The following PYM1 variants were observed in gnomAD, a reference collection of about 807,000 sequenced individuals.
PYM1 encodes PYM1 exon junction complex associated factor.
PYM1 carries 7 observed loss-of-function variants against 20.7 expected under a neutral mutation model. That is an observed-to-expected ratio of 0.34 (90% CI 0.19 to 0.64). The LOEUF is 0.64. Among genes scored for constraint, PYM1 ranks in the 30% least tolerant of loss-of-function variants. PYM1 has a pLI of 0.74. For missense variants in PYM1, 194 were observed against 250.0 expected, an observed-to-expected ratio of 0.78 and a Z score of 1.51; for synonymous variants, 100 against 99.2, an observed-to-expected ratio of 1.01 and a Z score of -0.05.
chr12:55,902,461 TTTTG>T (rs1882711398), intron 2 of PYM1, 106 bp from the exon 3 acceptor site: 1 of 1,455,636 alleles, frequency 6.9e-7, no homozygotes, highest in Non-Finnish European at 9.1e-7. Flanking sequence ...TGCTTCCTTT[TTTTG>T]TTGTTGTTTT....
At chr12:55,908,015 G>A (rs1882855283) in intron 1 of PYM1, among the ~76,000 whole-genome samples, 2 of 150,296 alleles carry the variant, frequency 1.3e-5, no homozygotes, top group South Asian at 4.2e-4. Context: ...AGGCTGAGGT[G>A]GGCGGATTAC....
In PYM1 at chr12:55,927,810, C is replaced by T. The variant is rs1565720061; in HGVS notation, c.-49G>A. 6.6e-7 allele frequency: 1 copy of T among 1,525,464 alleles called. No homozygotes were observed. The highest frequency in any genetic ancestry group is 8.8e-7 in the Non-Finnish European group (1 of 1,140,742). 94.5% of individuals were successfully genotyped at this position (1,525,464 alleles called of 1,614,324 possible). On this transcript the variant is annotated 5_prime_UTR_variant, in exon 1 of 3. Transcript: ENST00000408946. ...TTGGGCGGGCGGCCCTGGCCTGGCT[C>T]TGCCCCGCTGGGCGGCGCCGGGGAT...
Position 55,902,287 on chromosome 12 carries a change from G to A in PYM1, c.200C>T (p.Ala67Val), listed in dbSNP as rs1417824269. ...PELPPGLSPE[A>V]TAPVTPSRPE... Reference sequence around the variant, plus strand: ...CCTGGATGGGGTGACAGGAGCAGTGGCCTCAGGGCTTAGCCCTGGGGGCAA... The same window carrying A: ...CCTGGATGGGGTGACAGGAGCAGTGACCTCAGGGCTTAGCCCTGGGGGCAA... Residue 67 changes from alanine (A) to valine (V), a missense_variant, in exon 3 of 3, where the codon GCC becomes GTC. Physicochemically the swap from Ala to Val is moderately conservative, Grantham distance 64. Around this residue, in one of 3 missense-constraint regions of PYM1, gnomAD observed 158 missense variants for 179.0 expected, o/e 0.88. Coordinates refer to ENST00000408946, the MANE Select transcript of PYM1 (RefSeq NM_032345.3). 2 of 1,614,162 alleles carry A rather than the reference G, an allele frequency of 1.2e-6. No homozygotes were observed. Among genetic ancestry groups the A allele is most frequent in the East Asian group, 4.5e-5 (2 of 44,872 alleles).
intron 1 of PYM1, among the ~76,000 whole-genome samples, chr12:55,913,235 C>T (rs186258943): frequency 7.9e-5 from 12 of 152,310 alleles, no homozygotes; most frequent in Admixed American, 3.9e-4. Context: ...TAATGCTTAA[C>T]ATAATTATTT....
chr12:55,914,494 CG>C lies in PYM1; in HGVS notation c.38-11015del, dbSNP rs1882974026. ...AGCTTTGTCATTTTCTCACATCTGC[CG>C]TTTTTTAATTCTCAATCTATTTCCT... On this transcript the variant is annotated intron_variant, in intron 1 of 2. Coordinates refer to ENST00000408946, the MANE Select transcript of PYM1 (RefSeq NM_032345.3). 8.0e-6 allele frequency: 5 copies of C among 622,428 alleles called. No individual in the cohort carries two copies. In the East Asian group the frequency reaches 1.1e-4, roughly 14 times the overall value. The allele number at this position is 622,428 out of a possible 1,614,324, so 38.6% of individuals were successfully genotyped here.
chr12:55,906,139 T>C (rs1040033365), intron 1 of PYM1, among the ~76,000 whole-genome samples: 7 of 150,600 alleles, frequency 4.6e-5, no homozygotes, highest in Non-Finnish European at 5.9e-5. Context: ...TGAATTACCA[T>C]AGTTTGTCAG....
intron 1 of PYM1, among the ~76,000 whole-genome samples, chr12:55,905,500 G>A (rs1436063446): frequency 4.7e-5 from 7 of 150,250 alleles, no homozygotes; most frequent in East Asian, 2.0e-4. Context: ...TCAGGAGTTC[G>A]AGAGCAGCCT....
At position 55,901,645 on chromosome 12, in the gene PYM1, AT is replaced by A; in HGVS notation, c.*226del. 1.8e-6 allele frequency: 1 copy of A among 564,576 alleles called. No homozygotes were observed. Among genetic ancestry groups the A allele is most frequent in the Non-Finnish European group, 3.0e-6 (1 of 337,346 alleles). 35.0% of individuals were successfully genotyped at this position (564,576 alleles called of 1,614,324 possible). On this transcript the variant is annotated 3_prime_UTR_variant, in exon 3 of 3. Transcript: ENST00000408946. ...AAAGGTACCTGGGGTAGTCACTGAG[AT>A]TTTGAACACTGGGAATGGGAGGGGG...
At chr12:55,922,111 C>G (rs1592642108) in intron 1 of PYM1, among the ~76,000 whole-genome samples, 1 of 152,122 alleles carries the variant, frequency 6.6e-6, no homozygotes, top group South Asian at 2.1e-4. Flanking sequence ...AGCAATCCTC[C>G]AGCCTCAGCC....
chr12:55,911,925 C>T (rs774058890), intron 1 of PYM1, among the ~76,000 whole-genome samples: 1 of 152,182 alleles, frequency 6.6e-6, no homozygotes, highest in Non-Finnish European at 1.5e-5. Flanking sequence ...TAGGGCATGA[C>T]TCCCCAGACC....
chr12:55,925,361 G>A (rs146780359), intron 1 of PYM1, among the ~76,000 whole-genome samples: 1 of 152,304 alleles, frequency 6.6e-6, no homozygotes, highest in Non-Finnish European at 1.5e-5. Flanking sequence ...TGGTAAGGAG[G>A]CTAAAGTGAT....
rs965993075 is a variant in PYM1, at chr12:55,901,665, G to A, written c.*207C>T. On this transcript the variant is annotated 3_prime_UTR_variant, in exon 3 of 3. Coordinates refer to ENST00000408946, the MANE Select transcript of PYM1 (RefSeq NM_032345.3). The stretch of plus-strand genomic sequence containing the variant: ...CTGAGATTTTGAACACTGGGAATGG[G>A]AGGGGGAAAGTCCAAAAAGTAGAAG... The A allele has an allele frequency of 4.6e-6, 3 of 650,864 alleles. No individual in the cohort carries two copies. In the African/African-American group the frequency reaches 5.4e-5, roughly 12 times the overall value. The allele number at this position is 650,864 out of a possible 1,614,324, so 40.3% of individuals were successfully genotyped here.
rs561471302 is a variant in PYM1, at chr12:55,926,570, C to T, written c.37+1155G>A. The stretch of plus-strand genomic sequence containing the variant: ...TCCTCTTCCCTTCACACCTCTAAAC[C>T]TCAGTGACCCAACAAATGAAGATAC... On this transcript the variant is annotated intron_variant, in intron 1 of 2. Transcript: ENST00000408946. Among the ~76,000 whole-genome samples, 11 of 152,290 alleles carry T rather than the reference C, an allele frequency of 7.2e-5. No homozygotes were observed. The South Asian group carries it at 1.7e-3, about 23-fold the overall frequency.
At chr12:55,926,247 G>A (rs930910622) in intron 1 of PYM1, among the ~76,000 whole-genome samples, 2 of 152,186 alleles carry the variant, frequency 1.3e-5, no homozygotes, top group Non-Finnish European at 2.9e-5. Context: ...TAAAGATGAG[G>A]CCATTAGGAA....
chr12:55,906,151 G>A (rs1882812596), intron 1 of PYM1, among the ~76,000 whole-genome samples: 1 of 139,194 alleles, frequency 7.2e-6, no homozygotes, highest in Admixed American at 7.4e-5. Context: ...GTTTGTCAGT[G>A]TTTTTTTTTT....
chr12:55,923,719 A>G lies in PYM1; in HGVS notation c.37+4006T>C, dbSNP rs534708520. On this transcript the variant is annotated intron_variant, in intron 1 of 2. Coordinates refer to ENST00000408946, the MANE Select transcript of PYM1 (RefSeq NM_032345.3). ...TGTAGGGTATATGGGAAATCTCTGTAGCATCTTCTCAATTTTTCTATAAAT... is the reference window on the plus strand; with the variant it reads ...TGTAGGGTATATGGGAAATCTCTGTGGCATCTTCTCAATTTTTCTATAAAT... Among the ~76,000 whole-genome samples the G allele has an allele frequency of 2.6e-5, 4 of 152,250 alleles. No homozygotes were observed. In the East Asian group the frequency reaches 7.7e-4, roughly 29 times the overall value.
chr12:55,908,107 G>T (rs1882856814), intron 1 of PYM1, among the ~76,000 whole-genome samples: 2 of 151,958 alleles, frequency 1.3e-5, no homozygotes, highest in East Asian at 3.9e-4. Context: ...TCCAGGCGTG[G>T]TGGCGGGCGC....
At chr12:55,903,659 C>T (rs756828014) in intron 1 of PYM1, among the ~76,000 whole-genome samples, 179 bp from the exon 2 acceptor site, 1 of 152,002 alleles carries the variant, frequency 6.6e-6, no homozygotes, top group Non-Finnish European at 1.5e-5. Flanking sequence ...TACCGAGTGC[C>T]AATACACCGT....
At chr12:55,908,172 G>A (rs1882858058) in intron 1 of PYM1, among the ~76,000 whole-genome samples, 1 of 151,474 alleles carries the variant, frequency 6.6e-6, no homozygotes, top group East Asian at 1.9e-4. Flanking sequence ...GAACCCGGGA[G>A]GTGGAGGTTG....
Sources: gnomAD v4.1 joint callset for allele counts (sites outside exome capture counted in the v4.1 genomes callset) on GRCh38, gnomAD v4.1.1 for gene constraint, gnomAD v4.1.1 regional missense constraint, MANE v1.5 for transcripts, NCBI Gene and HGNC (gene_info 2026-07-23, HGNC 2026-07-21) for gene names.